The following MAP3K12 variants were observed in gnomAD, a reference collection of about 807,000 sequenced individuals.
The protein encoded by MAP3K12 is MAPK-upstream kinase.
Under a neutral mutation model 87.5 loss-of-function variants are expected in MAP3K12, and 14 were observed. The ratio of observed to expected loss-of-function variants is 0.16; its 90% confidence interval spans 0.11 to 0.25. The LOEUF (loss-of-function observed/expected upper bound fraction) is 0.25, where lower values mean the gene tolerates loss of function less well. Ranked by LOEUF, MAP3K12 falls within the 10% of genes least tolerant of loss-of-function variation. The pLI is 1.00. For synonymous variants in MAP3K12, 469 were observed against 452.5 expected, an observed-to-expected ratio of 1.04 and a Z score of -0.46; for missense variants, 802 against 1,140.4, an observed-to-expected ratio of 0.70 and a Z score of 4.27.
chr12:53,482,443 CAT>C, intron 11 of MAP3K12, 74 bp from the exon 12 acceptor site: 2 of 1,606,984 alleles, frequency 1.2e-6, no homozygotes, highest in African/African-American at 1.3e-5. Context: ...GAGAAGGGAA[CAT>C]AGTTACGAAG....
upstream of MAP3K12, chr12:53,501,510 G>A (rs764801700): frequency 4.5e-6 from 7 of 1,551,724 alleles, no homozygotes; most frequent in South Asian, 5.9e-5. Context: ...GTGGGGCCGT[G>A]CGGAGGGAGT....
chr12:53,479,671 G>GTTTTTTTTTTTTTTGGT lies in MAP3K12; in HGVS notation c.*1510_*1511insACCAAAAAAAAAAAAAA, dbSNP rs879244280. ...ATTTAGTTTTATAAGCTTCTCCCTG[G>GTTTTTTTTTTTTTTGGT]TTTTTTTTTTTTGGCTCATGAATTT... is the stretch of plus-strand genomic sequence containing the variant. On this transcript the variant is annotated 3_prime_UTR_variant, in exon 14 of 14. Transcript: ENST00000547488. The GTTTTTTTTTTTTTTGGT allele has an allele frequency of 9.4e-4, 195 of 206,604 alleles. No individual in the cohort carries two copies. Among genetic ancestry groups the GTTTTTTTTTTTTTTGGT allele is most frequent in the African/African-American group, 2.3e-3 (85 of 37,722 alleles). The allele number at this position is 206,604 out of a possible 1,614,324, so 12.8% of individuals were successfully genotyped here.
At position 53,479,683 on chromosome 12, in the gene MAP3K12, T is replaced by TTTTGGTTTTTTTTTTTG. The variant is rs2137153886; in HGVS notation, c.*1498_*1499insCAAAAAAAAAAACCAAA. On this transcript the variant is annotated 3_prime_UTR_variant, in exon 14 of 14. Transcript: ENST00000547488. Reference sequence around the variant, plus strand: ...AAGCTTCTCCCTGGTTTTTTTTTTTTGGCTCATGAATTTTTCTGTTTGTCA... The same window carrying TTTTGGTTTTTTTTTTTG: ...AAGCTTCTCCCTGGTTTTTTTTTTTTTTTGGTTTTTTTTTTTGGGCTCATGAATTTTTCTGTTTGTCA... 2 of 391,782 alleles carry TTTTGGTTTTTTTTTTTG rather than the reference T, an allele frequency of 5.1e-6. No homozygotes were observed. The highest frequency in any genetic ancestry group is 1.6e-4 in the South Asian group (2 of 12,724). 24.3% of individuals were successfully genotyped at this position (391,782 alleles called of 1,614,324 possible).
Position 53,482,945 on chromosome 12 carries a change from A to C in MAP3K12, c.1858T>G (p.Trp620Gly). The C allele has an allele frequency of 3.1e-6, 5 of 1,605,544 alleles. No homozygotes were observed. The highest frequency in any genetic ancestry group is 4.2e-6 in the Non-Finnish European group (5 of 1,177,908). ...CGGAGGGCGGGAGGGCAGGCCTCCC[A>C]GGCTGAGGGTCCCCCTCCTAGGCCC... Reference protein sequence around the residue: ...PGGLGGGPSAWEACPPALRGL... With the variant: ...PGGLGGGPSAGEACPPALRGL... The change falls in exon 11 of 14, where the codon TGG (tryptophan) becomes GGG (glycine). Residue 620 changes from tryptophan to glycine, a missense_variant. By Grantham distance (184) the Trp-to-Gly change is radical. Coordinates refer to ENST00000547488, the MANE Select transcript of MAP3K12 (RefSeq NM_001193511.2).
At chr12:53,493,306 C>G (rs1227616077) in intron 1 of MAP3K12, among the ~76,000 whole-genome samples, 2 of 152,046 alleles carry the variant, frequency 1.3e-5, no homozygotes, top group African/African-American at 2.4e-5. Context: ...AGGTGCGGAC[C>G]CCCACCCAGC....
chr12:53,481,976 G>C lies in MAP3K12; in HGVS notation c.2545C>G (p.Leu849Val), dbSNP rs1943067243. The C allele has an allele frequency of 1.2e-6, 2 of 1,614,066 alleles. No individual in the cohort carries two copies. The highest frequency in any genetic ancestry group is 1.3e-5 in the African/African-American group (1 of 75,060). Residue 849 changes from leucine to valine, a missense_variant, in exon 13 of 14, where the codon CTG (leucine) becomes GTG (valine). This residue lies in a region of MAP3K12 where 490 missense variants were observed against 496.6 expected (regional missense o/e 0.99). Transcript: ENST00000547488. ...AGAAGTTCCTGGTGTGGAATGGGCA[G>C]GGAGCTGGGTTCAGGGCCAGGGATG... ...EVIPGPEPSS[L>V]PIPHQELLRE...
chr12:53,499,866 C>A (rs1289279442), upstream of MAP3K12, among the ~76,000 whole-genome samples: 1 of 152,230 alleles, frequency 6.6e-6, no homozygotes, highest in Non-Finnish European at 1.5e-5. Context: ...CAGGCTGATT[C>A]CACAGGAACC....
intron 6 of MAP3K12, chr12:53,484,794 A>G (rs771255717): frequency 1.6e-4 from 83 of 524,190 alleles, no homozygotes; most frequent in Middle Eastern, 1.5e-3. Context: ...CCTTCCTTGT[A>G]CTTGTATGCA....
rs957236152 is a variant in MAP3K12, at chr12:53,485,154, A to G, written c.1041T>C (p.Asp347=). The G allele has an allele frequency of 2.5e-6, 4 of 1,614,166 alleles. No homozygotes were observed. The change falls in exon 6 of 14, where the codon GAT becomes GAC. Residue 347 remains aspartate (D), a synonymous_variant. Transcript: ENST00000547488. Reference sequence around the variant, plus strand: ...CCACACCCCAGATAATGGCTGAGGAATCTACGTCTTTGTAGGGGATCTCAC... The same window carrying G: ...CCACACCCCAGATAATGGCTGAGGAGTCTACGTCTTTGTAGGGGATCTCAC... ...LTGEIPYKDV[D]SSAIIWGVGS... is the part of the protein sequence containing the mutation.
At position 53,480,067 on chromosome 12, in the gene MAP3K12, T is replaced by C. The variant is rs937363940; in HGVS notation, c.*1115A>G. ...TTGAGGATTAGACTTTCCGAGGACT[T>C]ACCTGTCCTAGGGGAGTAGGCAAGC... On this transcript the variant is annotated 3_prime_UTR_variant, in exon 14 of 14. Coordinates refer to ENST00000547488, the MANE Select transcript of MAP3K12 (RefSeq NM_001193511.2). The C allele has an allele frequency of 1.3e-5, 2 of 151,996 alleles. No individual in the cohort carries two copies. The highest frequency in any genetic ancestry group is 4.8e-5 in the African/African-American group (2 of 41,366). The allele number at this position is 151,996 out of a possible 1,614,324, so 9.4% of individuals were successfully genotyped here.
At chr12:53,498,527 T>G (rs1257853519) in intron 1 of MAP3K12, among the ~76,000 whole-genome samples, 2 of 152,160 alleles carry the variant, frequency 1.3e-5, no homozygotes, top group African/African-American at 4.8e-5. Context: ...GACACCTCAC[T>G]GTTTCCTCCC....
chr12:53,492,619 GTTAT>G (rs1943444166), intron 1 of MAP3K12, among the ~76,000 whole-genome samples: 1 of 152,028 alleles, frequency 6.6e-6, no homozygotes, highest in African/African-American at 2.4e-5. Flanking sequence ...TATCCCACGC[GTTAT>G]TTGTGGCTTC....
At position 53,486,618 on chromosome 12, in the gene MAP3K12, A is replaced by G; in HGVS notation, c.450T>C (p.Leu150=). The G allele has an allele frequency of 6.3e-7, 1 of 1,592,760 alleles. No individual in the cohort carries two copies. Among genetic ancestry groups the G allele is most frequent in the Non-Finnish European group, 8.6e-7 (1 of 1,169,546 alleles). ...STEHKQQQED[L]WEVPFEEILD... ...GGATTTCCTCAAAGGGGACCTCCCA[A>G]AGGTCTGTGGGCAGGAGGCACAGTG... The change falls in exon 3 of 14, where the codon CTT becomes CTC. Residue 150 remains leucine, a synonymous_variant. Transcript: ENST00000547488. This position sits in a 1 kb window ranked among gnomAD's most constrained non-coding sequence, Gnocchi z 4.9.
Position 53,482,127 on chromosome 12 carries a change from A to G in MAP3K12, c.2394T>C (p.Ser798=), listed in dbSNP as rs757775438. The G allele has an allele frequency of 9.3e-6, 15 of 1,614,096 alleles. No individual in the cohort carries two copies. The highest frequency in any genetic ancestry group is 1.3e-5 in the Non-Finnish European group (15 of 1,180,040). ...NPSDGEEGTA[S]EPSPSGTPEV... ...CAGGTGTGCCACTGGGGGAAGGTTC[A>G]CTAGCTGTGCCTTCCTCCCCATCTG... Residue 798 remains serine (S), a synonymous_variant, in exon 13 of 14, where the codon AGT becomes AGC. Coordinates refer to ENST00000547488, the MANE Select transcript of MAP3K12 (RefSeq NM_001193511.2).
At position 53,481,138 on chromosome 12, in the gene MAP3K12, A is replaced by G. The variant is rs1322100774; in HGVS notation, c.*44T>C. The G allele has an allele frequency of 1.2e-6, 1 of 805,138 alleles. No individual in the cohort carries two copies. The highest frequency in any genetic ancestry group is 1.7e-6 in the Non-Finnish European group (1 of 603,898). 49.9% of individuals were successfully genotyped at this position (805,138 alleles called of 1,614,324 possible). ...ATATATATATATGTATATATATATA[A>G]TTTATATAAATATTTCTCTATGTAC... On this transcript the variant is annotated 3_prime_UTR_variant, in exon 14 of 14. Coordinates refer to ENST00000547488, the MANE Select transcript of MAP3K12 (RefSeq NM_001193511.2).
In MAP3K12 at chr12:53,483,244, C is replaced by T. The variant is rs146257335; in HGVS notation, c.1614-55G>A. On this transcript the variant is annotated intron_variant, in intron 10 of 13. Coordinates refer to ENST00000547488, the MANE Select transcript of MAP3K12 (RefSeq NM_001193511.2). ...GACTGCCAAATCTATGTACTCAAAG[C>T]ACTCCCTAACCTTGGACACTAAAGT... The T allele has an allele frequency of 3.9e-6, 6 of 1,546,792 alleles. No homozygotes were observed. In the East Asian group the frequency reaches 1.3e-4, roughly 35 times the overall value.
intron 1 of MAP3K12, among the ~76,000 whole-genome samples, chr12:53,495,461 T>C (rs1454229618): frequency 5.9e-5 from 8 of 135,526 alleles, no homozygotes; most frequent in Non-Finnish European, 1.1e-4. Flanking sequence ...ATACAAAAAA[T>C]TTGCCAGGCG....
intron 13 of MAP3K12, 157 bp from the exon 14 acceptor site, chr12:53,481,437 C>T (rs1943040071): frequency 8.7e-6 from 3 of 344,696 alleles, no homozygotes; most frequent in Non-Finnish European, 1.6e-5. Context: ...GCAACCTCTG[C>T]CTCCCAGGTT....
Position 53,483,405 on chromosome 12 carries a change from C to T in MAP3K12, c.1557G>A (p.Met519Ile). The T allele has an allele frequency of 6.2e-7, 1 of 1,614,076 alleles. No homozygotes were observed. Among genetic ancestry groups the T allele is most frequent in the Non-Finnish European group, 8.5e-7 (1 of 1,180,014 alleles). The stretch of plus-strand genomic sequence containing the variant: ...CATTCCTCTTCTTGATAAGCTTCTC[C>T]ATTGTGTTTCCATGCAGGAGGCCCC... ...PSRGLLHGNTMEKLIKKRNVP... is the reference protein window; with the variant it reads ...PSRGLLHGNTIEKLIKKRNVP... Residue 519 changes from methionine to isoleucine, a missense_variant, in exon 10 of 14, where the codon ATG becomes ATA. Met to Ile is a conservative substitution (Grantham distance 10). Around this residue, in one of 5 missense-constraint regions of MAP3K12, gnomAD observed 490 missense variants for 496.6 expected, o/e 0.99. Coordinates refer to ENST00000547488, the MANE Select transcript of MAP3K12 (RefSeq NM_001193511.2).
Sources: gnomAD v4.1 joint callset for allele counts (sites outside exome capture counted in the v4.1 genomes callset) on GRCh38, gnomAD v4.1.1 for gene constraint, gnomAD v4.1.1 regional missense constraint, Gnocchi (gnomAD v3.1) non-coding constraint, MANE v1.5 for transcripts, NCBI Gene and HGNC (gene_info 2026-07-23, HGNC 2026-07-21) for gene names.